Variants in KPNA4 observed in about 807,000 individuals in gnomAD.
The protein encoded by KPNA4 is importin subunit alpha-3.
Under a neutral mutation model 71.3 loss-of-function variants are expected in KPNA4, and 13 were observed. That is an observed-to-expected ratio of 0.18 (90% CI 0.12 to 0.29). The LOEUF is 0.29. Among genes scored for constraint, KPNA4 ranks in the 10% least tolerant of loss-of-function variants. The pLI is 1.00. For missense variants in KPNA4, 334 were observed against 603.2 expected (o/e 0.55, Z 4.67); for synonymous variants, 189 against 195.2 (o/e 0.97, Z 0.26).
At chr3:160,517,071 A>G (rs541088556) in intron 11 of KPNA4, among the ~76,000 whole-genome samples, 1 of 152,146 alleles carries the variant, frequency 6.6e-6, no homozygotes, top group African/African-American at 2.4e-5. Context: ...ATCTAATTCC[A>G]GAACACTTTG....
intron 1 of KPNA4, among the ~76,000 whole-genome samples, chr3:160,548,487 T>C (rs1721973169): frequency 6.6e-6 from 1 of 152,120 alleles, no homozygotes; most frequent in African/African-American, 2.4e-5. Context: ...TGGCAACCAT[T>C]ATTCCTTTTC....
intron 1 of KPNA4, among the ~76,000 whole-genome samples, chr3:160,551,644 T>A (rs1170633268): frequency 2.6e-5 from 4 of 152,178 alleles, no homozygotes; most frequent in Admixed American, 2.6e-4. Context: ...AAGGTAAGAA[T>A]TAATTTGGAC....
intron 5 of KPNA4, 25 bp from the exon 6 acceptor site, chr3:160,531,582 T>C (rs1227187816): frequency 1.1e-5 from 13 of 1,168,656 alleles, no homozygotes; most frequent in Non-Finnish European, 1.4e-5. Flanking sequence ...AACACTCCTG[T>C]GAAACTTAAT....
At chr3:160,532,460 T>C (rs550940648) in intron 5 of KPNA4, among the ~76,000 whole-genome samples, 1 of 152,302 alleles carries the variant, frequency 6.6e-6, no homozygotes, top group South Asian at 2.1e-4. Context: ...AGAAATGGAA[T>C]AAGCACAGCA....
rs533056264 is a variant in KPNA4, at chr3:160,506,358, C to T, written c.1373-1306G>A. On this transcript the variant is annotated intron_variant, in intron 15 of 16. Coordinates refer to ENST00000334256, the MANE Select transcript of KPNA4 (RefSeq NM_002268.5). Reference sequence around the variant, plus strand: ...TAATGTTTCATATTTTTAGTAGAGACGGGGTTTCATCATGCTGACCAGGCT... The same window carrying T: ...TAATGTTTCATATTTTTAGTAGAGATGGGGTTTCATCATGCTGACCAGGCT... Among the ~76,000 whole-genome samples the T allele has an allele frequency of 2.6e-4, 39 of 152,118 alleles. No individual in the cohort carries two copies. In the South Asian group the frequency reaches 3.7e-3, roughly 15 times the overall value.
rs143835823 is a variant in KPNA4 at position 160,552,454 on chromosome 3, ATATT to A, written c.69+12756_69+12759del. Among the ~76,000 whole-genome samples the A allele has an allele frequency of 7.9e-5, 12 of 152,294 alleles. No individual in the cohort carries two copies. The East Asian group carries it at 2.3e-3, about 29-fold the overall frequency. Reference sequence around the variant, plus strand: ...AAAAAATTTCATTTAATTCCCTCAAATATTTACTTAAATGCTGACTACATACCAG... The same window carrying A: ...AAAAAATTTCATTTAATTCCCTCAAATACTTAAATGCTGACTACATACCAG... On this transcript the variant is annotated intron_variant, in intron 1 of 16. Transcript: ENST00000334256.
rs1463592096 is a variant in KPNA4, at chr3:160,535,500, A to G, written c.287+13T>C. On this transcript the variant is annotated intron_variant, in intron 5 of 16. Transcript: ENST00000334256. ...GTTGTAAAATCTAAACATGTCTTCC[A>G]AATTCAACTTACCTAGCAGCTTGAA... 6.3e-7 allele frequency: 1 copy of G among 1,588,940 alleles called. No individual in the cohort carries two copies. Among genetic ancestry groups the G allele is most frequent in the South Asian group, 1.2e-5 (1 of 86,588 alleles).
At position 160,511,685 on chromosome 3, in the gene KPNA4, T is replaced by C. The variant is rs368026714; in HGVS notation, c.1138-1814A>G. 6.0e-5 allele frequency among the ~76,000 whole-genome samples: 9 copies of C among 150,410 alleles called. No homozygotes were observed. In the East Asian group the frequency reaches 1.7e-3, roughly 29 times the overall value. ...CTTAAAAGTACATTCAGTAGTCATG[T>C]TGTCAGGGGCAATACGGCTTTGTTA... On this transcript the variant is annotated intron_variant, in intron 13 of 16. Coordinates refer to ENST00000334256, the MANE Select transcript of KPNA4 (RefSeq NM_002268.5).
At chr3:160,536,440 T>C (rs1721695964) in intron 2 of KPNA4, among the ~76,000 whole-genome samples, 2 of 152,166 alleles carry the variant, frequency 1.3e-5, no homozygotes, top group Non-Finnish European at 2.9e-5. Flanking sequence ...TTGCAACAAG[T>C]TCTTTTCAGG....
chr3:160,532,627 C>T (rs183254726), intron 5 of KPNA4, among the ~76,000 whole-genome samples: 142 of 152,240 alleles, frequency 9.3e-4, no homozygotes, highest in Admixed American at 5.4e-3. Flanking sequence ...CTCAGTGTGG[C>T]CTAATCATAT....
intron 15 of KPNA4, among the ~76,000 whole-genome samples, chr3:160,505,318 C>A (rs1234804646): frequency 6.6e-6 from 1 of 152,104 alleles, no homozygotes; most frequent in Non-Finnish European, 1.5e-5. Context: ...TCTGCCTATT[C>A]ATCAGAATAC....
At chr3:160,533,103 A>G (rs114658945) in intron 5 of KPNA4, among the ~76,000 whole-genome samples, 2,536 of 152,252 alleles carry the variant, frequency 0.017, 58 homozygotes, top group African/African-American at 0.046. Flanking sequence ...GGCTCACTAC[A>G]ACCTCTGCTT....
chr3:160,516,299 AC>A (rs1721219678), intron 11 of KPNA4, among the ~76,000 whole-genome samples: 1 of 150,748 alleles, frequency 6.6e-6, no homozygotes, highest in Non-Finnish European at 1.5e-5. Context: ...GCTCCAAGAA[AC>A]CTATTCTTTT....
rs913937879 is a variant in KPNA4, at chr3:160,499,101, C to T, written c.*3003G>A. ...AGGTAAGCCTAAACTAAATGATACA[C>T]TCCCTCTCCCCAAAATTATTCTAGA... is the stretch of plus-strand genomic sequence containing the variant. On this transcript the variant is annotated 3_prime_UTR_variant, in exon 17 of 17. Transcript: ENST00000334256. The T allele has an allele frequency of 2.0e-5, 3 of 152,120 alleles. No individual in the cohort carries two copies. The highest frequency in any genetic ancestry group is 4.4e-5 in the Non-Finnish European group (3 of 68,018). 9.4% of individuals were successfully genotyped at this position (152,120 alleles called of 1,614,324 possible). A position where few individuals can be genotyped will look rare whatever the true frequency, so the allele number is the denominator to read the frequency against.
At chr3:160,506,068 A>G (rs1720976315) in intron 15 of KPNA4, among the ~76,000 whole-genome samples, 1 of 151,978 alleles carries the variant, frequency 6.6e-6, no homozygotes, top group Non-Finnish European at 1.5e-5. Context: ...CAAACCTCAA[A>G]AACTTGAAAG....
At chr3:160,550,130 G>A (rs1372504964) in intron 1 of KPNA4, among the ~76,000 whole-genome samples, 1 of 152,004 alleles carries the variant, frequency 6.6e-6, no homozygotes, top group Non-Finnish European at 1.5e-5. Context: ...GAATCTTTAG[G>A]GTGATTGTGT....
intron 10 of KPNA4, among the ~76,000 whole-genome samples, chr3:160,523,700 A>C (rs1721403728): frequency 6.6e-6 from 1 of 152,004 alleles, no homozygotes; most frequent in African/African-American, 2.4e-5. Context: ...AATGCAAAAA[A>C]ATTAGCCAGG....
chr3:160,527,178 C>G (rs1230152364), intron 8 of KPNA4, among the ~76,000 whole-genome samples: 1 of 152,162 alleles, frequency 6.6e-6, no homozygotes, highest in Non-Finnish European at 1.5e-5. Context: ...ACAAACAGTA[C>G]CTCAGCCCCC....
rs139516169 is a variant in KPNA4, at chr3:160,502,049, CAT to C, written c.*53_*54del. On this transcript the variant is annotated 3_prime_UTR_variant, in exon 17 of 17. Coordinates refer to ENST00000334256, the MANE Select transcript of KPNA4 (RefSeq NM_002268.5). ...ATATATATATATATATACACACACA[CAT>C]ATATATATATATATCTCAGTGCTGC... 9,146 of 448,634 alleles carry C rather than the reference CAT, an allele frequency of 0.02. No homozygotes were observed. The highest frequency in any genetic ancestry group is 0.035 in the South Asian group (927 of 26,596). The allele number at this position is 448,634 out of a possible 1,614,324, so 27.8% of individuals were successfully genotyped here. A position where few individuals can be genotyped will look rare whatever the true frequency, so the allele number is the denominator to read the frequency against.
Sources: allele counts gnomAD v4.1 joint callset (sites outside exome capture counted in the v4.1 genomes callset), GRCh38; gene constraint gnomAD v4.1.1; transcripts MANE v1.5; gene names NCBI Gene and HGNC (gene_info 2026-07-23, HGNC 2026-07-21).